TLN2: variants seen among roughly 807,000 people sequenced by gnomAD.
TLN2 encodes talin 2.
A neutral mutation model predicts 294.7 loss-of-function variants in TLN2; 118 were observed. The observed-to-expected ratio is 0.40, with a 90% CI of 0.34 to 0.47. The LOEUF is 0.47. TLN2 is among the 20% of genes least tolerant of loss of function. The pLI is 0.84. For missense variants in TLN2, 3,083 were observed against 3,282.2 expected (o/e 0.94, Z 1.48); for synonymous variants, 1,431 against 1,304.5 (o/e 1.10, Z -2.09).
At chr15:62,531,017 T>G (rs901479052) in intron 1 of TLN2, among the ~76,000 whole-genome samples, 7 of 152,222 alleles carry the variant, frequency 4.6e-5, no homozygotes, top group Admixed American at 4.6e-4. Context: ...TCATTTGTCT[T>G]TATAGTATGT....
At chr15:62,611,658 C>T (rs76421735) in intron 2 of TLN2, among the ~76,000 whole-genome samples, 3,170 of 152,254 alleles carry the variant, frequency 0.021, 122 homozygotes, top group African/African-American at 0.073. Context: ...TCCAGGCCCT[C>T]ACTACCCAGA....
At chr15:62,534,777 A>G (rs2041242467) in intron 1 of TLN2, among the ~76,000 whole-genome samples, 1 of 152,098 alleles carries the variant, frequency 6.6e-6, no homozygotes, top group Non-Finnish European at 1.5e-5. Context: ...CTAGCACACA[A>G]AGGCACTCTT....
intron 50 of TLN2, among the ~76,000 whole-genome samples, chr15:62,804,860 A>T (rs941551777): frequency 6.6e-6 from 1 of 152,180 alleles, no homozygotes; most frequent in African/African-American, 2.4e-5. Context: ...CACCTAGGCT[A>T]GGGGCCCTCG....
At chr15:62,756,712 T>A (rs2062276097) in intron 37 of TLN2, among the ~76,000 whole-genome samples, 1 of 152,166 alleles carries the variant, frequency 6.6e-6, no homozygotes, top group African/African-American at 2.4e-5. Flanking sequence ...GATAGGACAC[T>A]GCACACCTCA....
At chr15:62,710,848 C>G (rs547932771) in intron 21 of TLN2, among the ~76,000 whole-genome samples, 1 of 150,394 alleles carries the variant, frequency 6.6e-6, no homozygotes, top group African/African-American at 2.4e-5. Context: ...GCCTTAGCCT[C>G]CTGAGTAGCT....
intron 1 of TLN2, among the ~76,000 whole-genome samples, chr15:62,489,958 A>G (rs1027032748): frequency 4.6e-5 from 7 of 152,218 alleles, no homozygotes; most frequent in African/African-American, 1.2e-4. Context: ...AACTCAGTGA[A>G]AGAACCACCT....
chr15:62,722,648 A>G (rs780486825), intron 26 of TLN2, among the ~76,000 whole-genome samples, 161 bp downstream of exon 26: 1 of 152,176 alleles, frequency 6.6e-6, no homozygotes, highest in Non-Finnish European at 1.5e-5. Context: ...CTTTTGTTGC[A>G]TTAAGCCACT....
intron 12 of TLN2, 116 bp from the exon 13 acceptor site, chr15:62,692,724 G>A: frequency 4.2e-6 from 3 of 719,386 alleles, no homozygotes; most frequent in Non-Finnish European, 7.1e-6. Flanking sequence ...TGTATTTAGA[G>A]AGGAGGAGCA....
intron 12 of TLN2, chr15:62,690,342 CGGGCAG>C (rs2057742789): frequency 6.5e-6 from 1 of 155,010 alleles, no homozygotes; most frequent in African/African-American, 2.7e-5. Flanking sequence ...GGGTCGCGGC[CGGGCAG>C]AGGCGCTCCT....
At chr15:62,636,778 C>T (rs1247883800) in intron 3 of TLN2, among the ~76,000 whole-genome samples, 1 of 152,146 alleles carries the variant, frequency 6.6e-6, no homozygotes, top group Admixed American at 6.5e-5. Flanking sequence ...CAACCCAAAC[C>T]CATGCTGCTT....
At chr15:62,803,845 T>A (rs79410435) in intron 50 of TLN2, among the ~76,000 whole-genome samples, 1 of 152,108 alleles carries the variant, frequency 6.6e-6, no homozygotes, top group Non-Finnish European at 1.5e-5. Flanking sequence ...TGGATGCTTA[T>A]AGGTGTTCAT....
At chr15:62,555,859 T>G (rs979299805) in intron 1 of TLN2, among the ~76,000 whole-genome samples, 1 of 152,168 alleles carries the variant, frequency 6.6e-6, no homozygotes, top group Admixed American at 6.5e-5. Flanking sequence ...GCTGTCACTC[T>G]GTTTTTGTTA....
At chr15:62,722,837 T>C (rs1382527273) in intron 26 of TLN2, among the ~76,000 whole-genome samples, 2 of 152,348 alleles carry the variant, frequency 1.3e-5, no homozygotes, top group Middle Eastern at 3.4e-3. Flanking sequence ...TAAATTGTAG[T>C]CCAGAATAAG....
chr15:62,755,371 C>T lies in TLN2; in HGVS notation c.4477-161C>T, dbSNP rs533133671. ...ATCTGTGCTTAAGATTTCTTGCCCT[C>T]CTCTTTCTTGGAGTGACTTTGAGGG... On this transcript the variant is annotated intron_variant, in intron 36 of 58. Transcript: ENST00000636159. 5.2e-5 allele frequency: 43 copies of T among 820,148 alleles called. No individual in the cohort carries two copies. The South Asian group carries it at 7.8e-4, about 15-fold the overall frequency. The allele number at this position is 820,148 out of a possible 1,614,324, so 50.8% of individuals were successfully genotyped here. A position where few individuals can be genotyped will look rare whatever the true frequency, so the allele number is the denominator to read the frequency against.
At chr15:62,791,188 A>AC (rs1224061278) in intron 45 of TLN2, among the ~76,000 whole-genome samples, 1 of 151,588 alleles carries the variant, frequency 6.6e-6, no homozygotes, top group African/African-American at 2.4e-5. Context: ...CTCTACTAAA[A>AC]AAAAAAAAAT....
At chr15:62,486,456 T>TG (rs1457218139) in intron 1 of TLN2, among the ~76,000 whole-genome samples, 7 of 149,534 alleles carry the variant, frequency 4.7e-5, no homozygotes, top group African/African-American at 1.7e-4. Context: ...TCCTTTGTTT[T>TG]TTTTTTTTTT....
intron 1 of TLN2, among the ~76,000 whole-genome samples, chr15:62,468,820 T>C (rs1472660365): frequency 6.6e-6 from 1 of 150,704 alleles, no homozygotes; most frequent in Non-Finnish European, 1.5e-5. Flanking sequence ...ATGTTGATGT[T>C]CATGACAATT....
intron 2 of TLN2, among the ~76,000 whole-genome samples, chr15:62,593,619 G>C (rs1389942524): frequency 6.6e-6 from 1 of 152,138 alleles, no homozygotes; most frequent in Non-Finnish European, 1.5e-5. Context: ...ATCTGCAATT[G>C]AGTATTTTTC....
chr15:62,612,471 G>T (rs1258533642), intron 2 of TLN2, among the ~76,000 whole-genome samples: 2 of 152,098 alleles, frequency 1.3e-5, no homozygotes, highest in African/African-American at 4.8e-5. Context: ...TACCCTTTCA[G>T]AACTATGACA....
Sources: allele counts gnomAD v4.1 joint callset (sites outside exome capture counted in the v4.1 genomes callset), GRCh38; gene constraint gnomAD v4.1.1; transcripts MANE v1.5; gene names NCBI Gene and HGNC (gene_info 2026-07-23, HGNC 2026-07-21).